Variants in STK32B observed in about 807,000 individuals in gnomAD.
STK32B encodes serine/threonine-protein kinase 32B.
STK32B carries 43 observed loss-of-function variants against 52.6 expected under a neutral mutation model. The ratio of observed to expected loss-of-function variants is 0.82; its 90% CI spans 0.64 to 1.05. STK32B has a LOEUF of 1.05. Among genes scored for constraint, STK32B ranks in the 50% least tolerant of loss-of-function variants. The pLI, the probability that STK32B is intolerant of heterozygous loss-of-function variation, is 0.00. For missense variants in STK32B, 621 were observed against 534.6 expected (o/e 1.16, Z -1.59); for synonymous variants, 238 against 204.3 (o/e 1.17, Z -1.41).
At position 5,219,315 on chromosome 4, in the gene STK32B, G is replaced by C. The variant is rs572908977; in HGVS notation, c.260+50865G>C. On this transcript the variant is annotated intron_variant, in intron 3 of 11. Coordinates refer to ENST00000282908, the MANE Select transcript of STK32B (RefSeq NM_018401.3). ...GGGCATCCCTTTGGTGTGTGGAATT[G>C]GGACCTTCCAACTCCTTCCTGTAGA... is the stretch of plus-strand genomic sequence containing the variant. Among the ~76,000 whole-genome samples, 62 of 152,326 alleles carry C rather than the reference G, an allele frequency of 4.1e-4. 1 individual carries two copies. In the East Asian group the frequency reaches 0.012, roughly 29 times the overall value.
rs1010925001 is a variant in STK32B, at chr4:5,051,678, A to G, written c.-186A>G. ...GCGGGGTCCCTGCGAGCGCAGTCGGAAGGGCGTCCAGGAGAAGGGGGACGC... is the reference window on the plus strand; with the variant it reads ...GCGGGGTCCCTGCGAGCGCAGTCGGGAGGGCGTCCAGGAGAAGGGGGACGC... On this transcript the variant is annotated 5_prime_UTR_variant, in exon 1 of 12. Transcript: ENST00000282908. 9.1e-6 allele frequency: 6 copies of G among 662,950 alleles called. No individual in the cohort carries two copies. In the African/African-American group the frequency reaches 9.8e-5, roughly 11 times the overall value. 41.1% of individuals were successfully genotyped at this position (662,950 alleles called of 1,614,324 possible). A position where few individuals can be genotyped will look rare whatever the true frequency, so the allele number is the denominator to read the frequency against.
rs1736926248 is a variant in STK32B at position 5,396,443 on chromosome 4, C to T, written c.435-1764C>T. On this transcript the variant is annotated intron_variant, in intron 4 of 11. Coordinates refer to ENST00000282908, the MANE Select transcript of STK32B (RefSeq NM_018401.3). This position sits in a 1 kb window ranked among gnomAD's most constrained non-coding sequence, Gnocchi z 4.7. ...CCTTAAGTAATTACCTCTGCAAAGA[C>T]TCCATTTCCATATAGGGTCCCATTC... Among the ~76,000 whole-genome samples the T allele has an allele frequency of 2.0e-5, 3 of 152,200 alleles. No individual in the cohort carries two copies. The South Asian group carries it at 6.2e-4, about 32-fold the overall frequency.
At chr4:5,287,732 A>G (rs574794653) in intron 3 of STK32B, among the ~76,000 whole-genome samples, 11 of 152,180 alleles carry the variant, frequency 7.2e-5, no homozygotes, top group African/African-American at 2.6e-4. Flanking sequence ...ATTGTTGTGC[A>G]TATTGCTTTG....
Position 5,085,354 on chromosome 4 carries a change from G to A in STK32B, c.52+33439G>A, listed in dbSNP as rs28566600. Among the ~76,000 whole-genome samples the A allele has an allele frequency of 2.0e-5, 3 of 152,130 alleles. No homozygotes were observed. The East Asian group carries it at 5.8e-4, about 29-fold the overall frequency. ...TATACTCTTTCCTCTTCTTGAAGCT[G>A]AATAGGATTGACAATATAGCATATT... is the stretch of plus-strand genomic sequence containing the variant. On this transcript the variant is annotated intron_variant, in intron 1 of 11. Coordinates refer to ENST00000282908, the MANE Select transcript of STK32B (RefSeq NM_018401.3).
intron 3 of STK32B, among the ~76,000 whole-genome samples, chr4:5,251,918 G>C (rs937539448): frequency 6.6e-6 from 1 of 152,180 alleles, no homozygotes; most frequent in Non-Finnish European, 1.5e-5. Flanking sequence ...TGTCCTTGCT[G>C]CTTCTCAGCA....
At chr4:5,063,574 C>G (rs887771262) in intron 1 of STK32B, among the ~76,000 whole-genome samples, 2 of 152,162 alleles carry the variant, frequency 1.3e-5, no homozygotes, top group African/African-American at 4.8e-5. Flanking sequence ...AACTCCTGAC[C>G]TCAAGTGATC....
intron 11 of STK32B, among the ~76,000 whole-genome samples, chr4:5,496,215 C>T (rs1396377124): frequency 1.3e-5 from 2 of 152,262 alleles, no homozygotes; most frequent in Non-Finnish European, 2.9e-5. Context: ...CCTCCTTGAG[C>T]TGTGGTGGGC....
At chr4:5,250,483 T>C (rs1051280799) in intron 3 of STK32B, among the ~76,000 whole-genome samples, 1 of 152,078 alleles carries the variant, frequency 6.6e-6, no homozygotes, top group African/African-American at 2.4e-5. Context: ...TGGCTAATTT[T>C]TGTAGTTTTA....
rs1322176633 is a variant in STK32B at position 5,500,978 on chromosome 4, C to CTAT, written c.*1897_*1899dup. On this transcript the variant is annotated 3_prime_UTR_variant, in exon 12 of 12. Transcript: ENST00000282908. ...GTTGGCATTTCTTGTTTGGAATAAA[C>CTAT]TATTTCTTGGACATTCCTTCTCACC... is the stretch of plus-strand genomic sequence containing the variant. 1 of 150,198 alleles carries CTAT rather than the reference C, an allele frequency of 6.7e-6. No individual in the cohort carries two copies. Among genetic ancestry groups the CTAT allele is most frequent in the Admixed American group, 6.6e-5 (1 of 15,080 alleles). The allele number at this position is 150,198 out of a possible 1,614,324, so 9.3% of individuals were successfully genotyped here. A position where few individuals can be genotyped will look rare whatever the true frequency, so the allele number is the denominator to read the frequency against.
intron 3 of STK32B, among the ~76,000 whole-genome samples, chr4:5,225,947 A>C (rs374720202): frequency 1.3e-5 from 2 of 152,134 alleles, no homozygotes; most frequent in African/African-American, 2.4e-5. Flanking sequence ...TTCCCTCTCA[A>C]ATATGGTCCG....
At position 5,294,421 on chromosome 4, in the gene STK32B, C is replaced by T. The variant is rs376084756; in HGVS notation, c.261-36799C>T. Among the ~76,000 whole-genome samples the T allele has an allele frequency of 3.9e-5, 6 of 152,140 alleles. No homozygotes were observed. In the East Asian group the frequency reaches 1.2e-3, roughly 29 times the overall value. ...TATCCATGACCATGGATTGTTTTTC[C>T]ATTTGTTTGTGTCCTCTCTTATTGC... On this transcript the variant is annotated intron_variant, in intron 3 of 11. Coordinates refer to ENST00000282908, the MANE Select transcript of STK32B (RefSeq NM_018401.3).
intron 3 of STK32B, among the ~76,000 whole-genome samples, chr4:5,317,507 TG>T (rs1392428224): frequency 9.7e-6 from 1 of 102,874 alleles, no homozygotes; most frequent in Non-Finnish European, 1.7e-5. Flanking sequence ...ATATTATATA[TG>T]TATAATATAT....
chr4:5,315,295 A>AG (rs1730591963), intron 3 of STK32B, among the ~76,000 whole-genome samples: 1 of 152,184 alleles, frequency 6.6e-6, no homozygotes, highest in Admixed American at 6.5e-5. Context: ...CACACCTGTC[A>AG]GAATGGCTAG....
At chr4:5,448,153 G>C (rs1715640537) in intron 7 of STK32B, among the ~76,000 whole-genome samples, 1 of 152,144 alleles carries the variant, frequency 6.6e-6, no homozygotes, top group Non-Finnish European at 1.5e-5. Context: ...ACAATTTTCT[G>C]CTCTTGATCT....
At chr4:5,032,476 C>CAAAAAA in the STK32B span, among the ~76,000 whole-genome samples, 256 of 49,498 alleles carry the variant, frequency 5.2e-3, no homozygotes, top group Middle Eastern at 0.032. Context: ...GACTCCATCT[C>CAAAAAA]AAAAAAAAAA....
Position 5,307,548 on chromosome 4 carries a change from C to CTT in STK32B, c.261-23657_261-23656dup, listed in dbSNP as rs558277345. On this transcript the variant is annotated intron_variant, in intron 3 of 11. Coordinates refer to ENST00000282908, the MANE Select transcript of STK32B (RefSeq NM_018401.3). ...GAGATTTTCCATTCATATGCTCTAT[C>CTT]TTTTTTTTTTTTTTTTAGGTTGAAC... Among the ~76,000 whole-genome samples the CTT allele has an allele frequency of 9.7e-3, 1,334 of 137,376 alleles. 26 individuals carry two copies. The highest frequency in any genetic ancestry group is 0.026 in the African/African-American group (985 of 37,922). The allele number at this position is 137,376 out of a possible 152,430, so 90.1% of individuals were successfully genotyped here.
chr4:5,355,633 G>C (rs778183094), intron 4 of STK32B, among the ~76,000 whole-genome samples: 1 of 152,130 alleles, frequency 6.6e-6, no homozygotes, highest in African/African-American at 2.4e-5. Context: ...TTTAGGTGGA[G>C]CTGTGGCTTC....
intron 3 of STK32B, among the ~76,000 whole-genome samples, chr4:5,223,718 G>A (rs1157066272): frequency 6.6e-6 from 1 of 151,354 alleles, no homozygotes; most frequent in Non-Finnish European, 1.5e-5. Context: ...TTGGGAGGCT[G>A]AGGCAGGAGA....
intron 5 of STK32B, among the ~76,000 whole-genome samples, chr4:5,404,414 C>G (rs1463061680): frequency 6.6e-6 from 1 of 152,098 alleles, no homozygotes; most frequent in African/African-American, 2.4e-5. Context: ...ATTTGGGGCC[C>G]AGCCCATTTC....
Sources: gnomAD v4.1 joint callset for allele counts (sites outside exome capture counted in the v4.1 genomes callset) on GRCh38, gnomAD v4.1.1 for gene constraint, Gnocchi (gnomAD v3.1) non-coding constraint, MANE v1.5 for transcripts, NCBI Gene and HGNC (gene_info 2026-07-23, HGNC 2026-07-21) for gene names.